The following SNX7 variants were observed in gnomAD, a reference collection of about 807,000 sequenced individuals.
SNX7 encodes the protein sorting nexin-7.
SNX7 carries 35 observed loss-of-function variants against 48.4 expected under a neutral mutation model. The observed-to-expected ratio is 0.72, with a 90% CI of 0.55 to 0.96. The LOEUF is 0.96. SNX7 is among the 40% of genes least tolerant of loss of function. The probability of loss-of-function intolerance (pLI) is 0.00; values close to 1 mark genes in which losing one functional copy is unlikely to be tolerated. For missense variants in SNX7, 553 were observed against 548.9 expected (o/e 1.01, Z -0.07); for synonymous variants, 190 against 190.2 (o/e 1.00, Z 0.01).
chr1:98,692,635 A>G (rs1251050382), intron 4 of SNX7, among the ~76,000 whole-genome samples: 2 of 152,162 alleles, frequency 1.3e-5, no homozygotes, highest in Non-Finnish European at 1.5e-5. Flanking sequence ...CATGGAGATG[A>G]TCAGCGTCAC....
Position 98,698,751 on chromosome 1 carries a change from G to T in SNX7, c.884G>T (p.Trp295Leu). ...MKEYGPIHIL[W>L]SASEEDLVDT... ...GAATATGGCCCAATTCATATTCTGT[G>T]GTCAGCGTCAGAAGAGGATCTGGTT... Residue 295 changes from tryptophan to leucine, a missense_variant, in exon 6 of 9, where the codon TGG becomes TTG. Trp to Leu is a moderately conservative substitution (Grantham distance 61, BLOSUM62 -2). Transcript: ENST00000306121. The T allele has an allele frequency of 6.2e-7, 1 of 1,612,974 alleles. No homozygotes were observed. Among genetic ancestry groups the T allele is most frequent in the East Asian group, 2.2e-5 (1 of 44,844 alleles).
At chr1:98,691,417 T>C (rs1309577300) in intron 3 of SNX7, 118 bp from the exon 4 acceptor site, 4 of 923,950 alleles carry the variant, frequency 4.3e-6, no homozygotes, top group Non-Finnish European at 6.0e-6. Context: ...TTTTAAAAAT[T>C]ATTTTTATAA....
chr1:98,661,721 G>A lies in SNX7; in HGVS notation c.-11G>A, dbSNP rs1404355817. 1.6e-6 allele frequency: 2 copies of A among 1,218,358 alleles called. No individual in the cohort carries two copies. The highest frequency in any genetic ancestry group is 2.0e-6 in the Non-Finnish European group (2 of 976,790). 75.5% of individuals were successfully genotyped at this position (1,218,358 alleles called of 1,614,324 possible). ...GCGGCGGTGGCGGCCGGCTGGGCGCGCACTCTCGGGATGGAGGGCGAGCGC... is the reference window on the plus strand; with the variant it reads ...GCGGCGGTGGCGGCCGGCTGGGCGCACACTCTCGGGATGGAGGGCGAGCGC... On this transcript the variant is annotated 5_prime_UTR_variant, in exon 1 of 9. Transcript: ENST00000306121.
At chr1:98,661,631 G>A (rs1570470292), upstream of SNX7, 3 of 1,054,740 alleles carry the variant, frequency 2.8e-6, no homozygotes, top group African/African-American at 1.7e-5. Context: ...GCTGGAGCGG[G>A]GCCGGCCGGG....
At chr1:98,749,567 A>C (rs1457020437) in intron 8 of SNX7, among the ~76,000 whole-genome samples, 1 of 152,134 alleles carries the variant, frequency 6.6e-6, no homozygotes, top group Non-Finnish European at 1.5e-5. Context: ...TTTTCCAAAA[A>C]TGAAATATAA....
chr1:98,669,561 G>A (rs566035992), intron 1 of SNX7, among the ~76,000 whole-genome samples: 1 of 152,288 alleles, frequency 6.6e-6, no homozygotes, highest in South Asian at 2.1e-4. Flanking sequence ...ACATCACCTG[G>A]GAGCTGGTTA....
At chr1:98,706,220 A>G (rs1570546899) in intron 7 of SNX7, among the ~76,000 whole-genome samples, 1 of 152,156 alleles carries the variant, frequency 6.6e-6, no homozygotes, top group Non-Finnish European at 1.5e-5. Flanking sequence ...TTTATAATAT[A>G]TTATCATATA....
chr1:98,746,614 T>A (rs796478302), intron 8 of SNX7, among the ~76,000 whole-genome samples: 6 of 152,252 alleles, frequency 3.9e-5, no homozygotes, highest in African/African-American at 1.4e-4. Context: ...AGTGTTCATT[T>A]TAACACCACT....
At chr1:98,681,506 A>T (rs1284974526) in intron 1 of SNX7, among the ~76,000 whole-genome samples, 4 of 152,192 alleles carry the variant, frequency 2.6e-5, no homozygotes, top group African/African-American at 9.6e-5. Flanking sequence ...AATAAAAATA[A>T]TTTTTTTCTT....
chr1:98,691,914 T>TATACACACACACAC (rs143738586), intron 4 of SNX7, among the ~76,000 whole-genome samples: 3 of 133,496 alleles, frequency 2.2e-5, no homozygotes, highest in East Asian at 2.1e-4. Context: ...TCCATATATA[T>TATACACACACACAC]ACACACACAC....
At chr1:98,707,855 G>A (rs1652091603) in intron 7 of SNX7, among the ~76,000 whole-genome samples, 1 of 152,226 alleles carries the variant, frequency 6.6e-6, no homozygotes, top group East Asian at 1.9e-4. Context: ...GATTATTCAA[G>A]CTGGTCCTTA....
chr1:98,683,445 A>G (rs1329445840), intron 1 of SNX7, among the ~76,000 whole-genome samples: 3 of 152,092 alleles, frequency 2.0e-5, no homozygotes, highest in Admixed American at 6.5e-5. Context: ...ATTCATACAT[A>G]GAAATGCTAC....
intron 1 of SNX7, among the ~76,000 whole-genome samples, chr1:98,680,569 C>T (rs994785416): frequency 1.3e-5 from 2 of 152,142 alleles, no homozygotes; most frequent in East Asian, 1.9e-4. Context: ...TAAAACTAAA[C>T]GCCTTAAACA....
chr1:98,709,873 C>A (rs922671361), intron 7 of SNX7, among the ~76,000 whole-genome samples: 3 of 152,042 alleles, frequency 2.0e-5, no homozygotes, highest in Admixed American at 6.6e-5. Flanking sequence ...GCACTAATGT[C>A]TTTACTTTCT....
intron 1 of SNX7, among the ~76,000 whole-genome samples, chr1:98,665,919 G>C (rs1202414685): frequency 6.6e-6 from 1 of 152,096 alleles, no homozygotes; most frequent in African/African-American, 2.4e-5. Flanking sequence ...GAATAAAGTT[G>C]AGACATCTAA....
chr1:98,741,059 T>A (rs929543176), intron 8 of SNX7, among the ~76,000 whole-genome samples: 2 of 152,172 alleles, frequency 1.3e-5, no homozygotes, highest in African/African-American at 4.8e-5. Context: ...TGTCACTAAC[T>A]ATTAATATCA....
intron 6 of SNX7, among the ~76,000 whole-genome samples, chr1:98,701,436 A>G (rs4518922): frequency 0.95 from 144,287 of 152,100 alleles, 68,501 homozygotes; most frequent in East Asian, 1. Context: ...CATCCCACCC[A>G]TAACTAGTTT....
intron 8 of SNX7, among the ~76,000 whole-genome samples, chr1:98,747,994 T>G (rs1175054170): frequency 6.7e-6 from 1 of 150,176 alleles, no homozygotes; most frequent in Non-Finnish European, 1.5e-5. Context: ...TTTTTTTTTT[T>G]GAGATGGAGT....
intron 7 of SNX7, among the ~76,000 whole-genome samples, chr1:98,711,307 A>C (rs1652294060): frequency 6.6e-6 from 1 of 152,158 alleles, no homozygotes; most frequent in Non-Finnish European, 1.5e-5. Context: ...ACTGGCCTAA[A>C]GTATAAATAG....
Sources: gnomAD v4.1 joint callset for allele counts (sites outside exome capture counted in the v4.1 genomes callset) on GRCh38, gnomAD v4.1.1 for gene constraint, MANE v1.5 for transcripts, NCBI Gene and HGNC (gene_info 2026-07-23, HGNC 2026-07-21) for gene names.